The following ZNF839 variants were observed in gnomAD, a reference collection of about 807,000 sequenced individuals.
ZNF839 encodes renal carcinoma antigen NY-REN-50.
In ZNF839, 38 loss-of-function variants were observed where a neutral mutation model predicts 56.4. The ratio of observed to expected loss-of-function variants is 0.67; its 90% CI spans 0.52 to 0.88. ZNF839 has a LOEUF of 0.88. ZNF839 is among the 40% of genes least tolerant of loss of function. The pLI is 0.00. For missense variants in ZNF839, 1,091 were observed against 1,177.6 expected, an observed-to-expected ratio of 0.93 and a Z score of 1.08; for synonymous variants, 486 against 493.5, an observed-to-expected ratio of 0.98 and a Z score of 0.20.
intron 7 of ZNF839, among the ~76,000 whole-genome samples, chr14:102,340,274 CTTTT>C (rs34818560): frequency 4.7e-5 from 6 of 128,492 alleles, no homozygotes; most frequent in East Asian, 2.4e-4. Flanking sequence ...CTACGCCAGC[CTTTT>C]TTTTTTTTTT....
intron 5 of ZNF839, chr14:102,337,205 T>C (rs920909617): frequency 6.6e-6 from 1 of 152,238 alleles, no homozygotes; most frequent in Non-Finnish European, 1.5e-5. Context: ...AGAGTCTCGC[T>C]GTCAGCCAGG....
intron 4 of ZNF839, 108 bp from the exon 5 acceptor site, chr14:102,335,581 G>A (rs1337701353): frequency 1.8e-6 from 2 of 1,123,110 alleles, no homozygotes; most frequent in African/African-American, 1.6e-5. Context: ...ACACCACTGA[G>A]GGCTGCTGAG....
intron 1 of ZNF839, 53 bp downstream of exon 1, chr14:102,320,106 C>T: frequency 8.8e-7 from 1 of 1,142,710 alleles, no homozygotes; most frequent in Non-Finnish European, 1.1e-6. Flanking sequence ...GGGCCGACGC[C>T]CCGCGGCGGG....
In ZNF839 at chr14:102,341,531, T is replaced by C. The variant is rs1193994542; in HGVS notation, c.2136T>C (p.Pro712=). 9 of 1,610,088 alleles carry C rather than the reference T, an allele frequency of 5.6e-6. No individual in the cohort carries two copies. Among genetic ancestry groups the C allele is most frequent in the African/African-American group, 1.3e-5 (1 of 74,852 alleles). The change falls in exon 8 of 8, where the codon CCT becomes CCC. Residue 712 remains proline (P), a synonymous_variant. Transcript: ENST00000442396. ...CTGTTTATGCTCAGTCAGGAGAGCC[T>C]AGGAGGCTGACCCAGGCACAGGTGG... ...GLPVYAQSGE[P]RRLTQAQVAA...
Position 102,332,460 on chromosome 14 carries a change from A to G in ZNF839, c.1416+614A>G, listed in dbSNP as rs866617135. ...CAGAACCATTCTTGACTTACAGATG[A>G]TAATTTCTCCAGAAATGGATATTAA... is the stretch of plus-strand genomic sequence containing the variant. On this transcript the variant is annotated intron_variant, in intron 3 of 7. Coordinates refer to ENST00000442396, the MANE Select transcript of ZNF839 (RefSeq NM_018335.6). This position sits in a 1 kb window ranked among gnomAD's most constrained non-coding sequence, Gnocchi z 4.9. Among the ~76,000 whole-genome samples the G allele has an allele frequency of 9.9e-5, 15 of 152,132 alleles. No individual in the cohort carries two copies. The South Asian group carries it at 1.2e-3, about 13-fold the overall frequency.
Position 102,326,673 on chromosome 14 carries a change from G to C in ZNF839, c.977G>C (p.Gly326Ala). The C allele has an allele frequency of 6.2e-7, 1 of 1,612,620 alleles. No individual in the cohort carries two copies. The highest frequency in any genetic ancestry group is 1.1e-5 in the South Asian group (1 of 90,838). The change falls in exon 2 of 8, where the codon GGG (glycine) becomes GCG (alanine). Residue 326 changes from glycine to alanine, a missense_variant. Transcript: ENST00000442396. The surrounding 1 kb of genome is among the most constrained non-coding windows in gnomAD (Gnocchi z 4.3). Reference protein sequence around the residue: ...QTCEKSYIGKGGLARHFKLNP... With the variant: ...QTCEKSYIGKAGLARHFKLNP... ...TGTGAAAAGTCATATATAGGGAAGG[G>C]GGGACTGGCCCGACATTTTAAACTT...
In ZNF839 at chr14:102,338,827, A is replaced by G; in HGVS notation, c.1671A>G (p.Ser557=). The G allele has an allele frequency of 6.2e-7, 1 of 1,613,964 alleles. No homozygotes were observed. Among genetic ancestry groups the G allele is most frequent in the Non-Finnish European group, 8.5e-7 (1 of 1,179,888 alleles). ...CCATTTCTTTTCAGGTTGCTGAGTC[A>G]TTAGGAATCACAGAATTCCTACGGA... The part of the protein sequence containing the change: ...LEINNDKVAE[S]LGITEFLRKK... The change falls in exon 6 of 8, where the codon TCA becomes TCG. Residue 557 remains serine (S), a synonymous_variant. Coordinates refer to ENST00000442396, the MANE Select transcript of ZNF839 (RefSeq NM_018335.6).
At chr14:102,321,146 C>G (rs2073107123) in intron 1 of ZNF839, among the ~76,000 whole-genome samples, 1 of 152,198 alleles carries the variant, frequency 6.6e-6, no homozygotes, top group Non-Finnish European at 1.5e-5. Context: ...GAGGTGTGAC[C>G]TTGGGTAAGT....
At position 102,319,882 on chromosome 14, in the gene ZNF839, G is replaced by A; in HGVS notation, c.117G>A (p.Glu39=). Residue 39 remains glutamate (E), a synonymous_variant, in exon 1 of 8, where the codon GAG becomes GAA. Transcript: ENST00000442396. The surrounding 1 kb of genome is among the most constrained non-coding windows in gnomAD (Gnocchi z 4.5). ...SVARVAPLGP[E]QLRQVLEQVT... The stretch of plus-strand genomic sequence containing the variant: ...CACGTGTGGCCCCGCTGGGCCCCGA[G>A]CAGCTGCGGCAGGTCCTGGAGCAGG... 1.6e-6 allele frequency: 2 copies of A among 1,288,386 alleles called. No homozygotes were observed. The highest frequency in any genetic ancestry group is 3.2e-5 in the Admixed American group (1 of 31,392). 79.8% of individuals were successfully genotyped at this position (1,288,386 alleles called of 1,614,324 possible).
intron 5 of ZNF839, 59 bp from the exon 6 acceptor site, chr14:102,338,757 G>A: frequency 1.2e-6 from 2 of 1,601,762 alleles, no homozygotes; most frequent in Admixed American, 3.4e-5. Context: ...ATGTGAATGT[G>A]CTTCTGGGGG....
chr14:102,323,527 G>A (rs1205275321), intron 1 of ZNF839, among the ~76,000 whole-genome samples: 1 of 152,190 alleles, frequency 6.6e-6, no homozygotes, highest in Non-Finnish European at 1.5e-5. Flanking sequence ...TTTGTGGGGT[G>A]TTATTGAAGG....
chr14:102,341,226 G>C (rs1327173487), intron 7 of ZNF839, 97 bp from the exon 8 acceptor site: 3 of 1,395,444 alleles, frequency 2.1e-6, no homozygotes, highest in Admixed American at 5.2e-5. Flanking sequence ...TTTTCTGCAG[G>C]GCAGGTGACT....
chr14:102,319,855 C>A lies in ZNF839; in HGVS notation c.90C>A (p.Val30=). 7.9e-7 allele frequency: 1 copy of A among 1,268,442 alleles called. No homozygotes were observed. 78.6% of individuals were successfully genotyped at this position (1,268,442 alleles called of 1,614,324 possible). Reference sequence around the variant, plus strand: ...CTCCTCCGGGCCAGAGCGGCAGCGTCGCACGTGTGGCCCCGCTGGGCCCCG... The same window carrying A: ...CTCCTCCGGGCCAGAGCGGCAGCGTAGCACGTGTGGCCCCGCTGGGCCCCG... ...GPAPPGQSGS[V]ARVAPLGPEQ... is the part of the protein sequence containing the mutation. Residue 30 remains valine (V), a synonymous_variant, in exon 1 of 8, where the codon GTC becomes GTA. Coordinates refer to ENST00000442396, the MANE Select transcript of ZNF839 (RefSeq NM_018335.6). This position sits in a 1 kb window ranked among gnomAD's most constrained non-coding sequence, Gnocchi z 4.5.
chr14:102,331,566 G>A, intron 2 of ZNF839, 56 bp from the exon 3 acceptor site: 1 of 1,474,000 alleles, frequency 6.8e-7, no homozygotes, highest in Non-Finnish European at 9.2e-7. Context: ...AGGTTTTTAT[G>A]GGGTATATAA....
At chr14:102,328,375 A>AAAAAAAAAT (rs1197718891) in intron 2 of ZNF839, among the ~76,000 whole-genome samples, 1 of 16,348 alleles carries the variant, frequency 6.1e-5, no homozygotes, top group African/African-American at 1.6e-4. Flanking sequence ...AAAAAAAAAA[A>AAAAAAAAAT]ATATATATAT....
intron 5 of ZNF839, among the ~76,000 whole-genome samples, 172 bp downstream of exon 5, chr14:102,336,010 C>T (rs1466684129): frequency 6.6e-6 from 1 of 152,132 alleles, no homozygotes; most frequent in Non-Finnish European, 1.5e-5. Context: ...AAAACTCAGT[C>T]TCTACTAAAA....
chr14:102,326,975 GAA>G lies in ZNF839; in HGVS notation c.1191+91_1191+92del. ...TACCTGAGACCAGGTATTTTATAAAGAAAAGAGGGTTGGCTCACGGTTCCATA... is the reference window on the plus strand; with the variant it reads ...TACCTGAGACCAGGTATTTTATAAAGAAGAGGGTTGGCTCACGGTTCCATA... On this transcript the variant is annotated intron_variant, in intron 2 of 7. Coordinates refer to ENST00000442396, the MANE Select transcript of ZNF839 (RefSeq NM_018335.6). This position sits in a 1 kb window ranked among gnomAD's most constrained non-coding sequence, Gnocchi z 4.3. The G allele has an allele frequency of 7.2e-7, 1 of 1,380,608 alleles. No homozygotes were observed. Among genetic ancestry groups the G allele is most frequent in the Non-Finnish European group, 9.6e-7 (1 of 1,044,068 alleles). 85.5% of individuals were successfully genotyped at this position (1,380,608 alleles called of 1,614,324 possible).
rs772015785 is a variant in ZNF839 at position 102,339,269 on chromosome 14, C to T, written c.1927+46C>T. The T allele has an allele frequency of 1.5e-5, 24 of 1,590,636 alleles. No individual in the cohort carries two copies. The African/African-American group carries it at 3.1e-4, about 20-fold the overall frequency. On this transcript the variant is annotated intron_variant, in intron 7 of 7. Coordinates refer to ENST00000442396, the MANE Select transcript of ZNF839 (RefSeq NM_018335.6). ...GTGGGGTGTATCCATGGCCTGGCAG[C>T]CCTGCTGACATGCACAGATGTACCC... is the stretch of plus-strand genomic sequence containing the variant.
intron 5 of ZNF839, chr14:102,337,629 G>A (rs1042403197): frequency 6.6e-6 from 1 of 152,158 alleles, no homozygotes; most frequent in African/African-American, 2.4e-5. Flanking sequence ...CACACACTGT[G>A]CCTGCCCTAC....
Sources: allele counts gnomAD v4.1 joint callset (sites outside exome capture counted in the v4.1 genomes callset), GRCh38; gene constraint gnomAD v4.1.1; non-coding constraint Gnocchi (gnomAD v3.1); transcripts MANE v1.5; gene names NCBI Gene and HGNC (gene_info 2026-07-23, HGNC 2026-07-21).